Variants in IFI44 observed in about 807,000 individuals in gnomAD.
The protein encoded by IFI44 is interferon-induced protein 44.
A neutral mutation model predicts 45.0 loss-of-function variants in IFI44; 42 were observed. The observed-to-expected ratio is 0.93, with a 90% CI of 0.73 to 1.21. The LOEUF is 1.21. Ranked by LOEUF, IFI44 falls within the 50% of genes most tolerant of loss-of-function variation. The pLI is 0.00. For missense variants in IFI44, 623 were observed against 525.8 expected (o/e 1.18, Z -1.81); for synonymous variants, 221 against 188.6 (o/e 1.17, Z -1.41).
intron 6 of IFI44, 72 bp from the exon 7 acceptor site, chr1:78,660,482 A>G (rs965279142): frequency 2.7e-6 from 3 of 1,124,600 alleles, no homozygotes; most frequent in African/African-American, 1.6e-5. Flanking sequence ...TGCCTATTAC[A>G]TAATTGATAG....
chr1:78,663,991 T>C lies in IFI44; in HGVS notation c.*180T>C. On this transcript the variant is annotated 3_prime_UTR_variant, in exon 9 of 9. Coordinates refer to ENST00000370747, the MANE Select transcript of IFI44 (RefSeq NM_006417.5). Reference sequence around the variant, plus strand: ...AATAACTAGAAATAACATGATTTAGTCATAATTGTGAAAAATAATAATAAT... The same window carrying C: ...AATAACTAGAAATAACATGATTTAGCCATAATTGTGAAAAATAATAATAAT... 2.3e-6 allele frequency: 1 copy of C among 426,544 alleles called. No individual in the cohort carries two copies. The highest frequency in any genetic ancestry group is 3.6e-5 in the East Asian group (1 of 27,928). The allele number at this position is 426,544 out of a possible 1,614,324, so 26.4% of individuals were successfully genotyped here.
chr1:78,650,666 G>C lies in IFI44; in HGVS notation c.457+14G>C. The stretch of plus-strand genomic sequence containing the variant: ...TTCGATGCGAAGGTAGGTTTAATTA[G>C]ATAATCCTGTAGAGAGTTCTCCCTT... On this transcript the variant is annotated intron_variant, in intron 2 of 8. Transcript: ENST00000370747. 2 of 1,509,678 alleles carry C rather than the reference G, an allele frequency of 1.3e-6. No individual in the cohort carries two copies. Among genetic ancestry groups the C allele is most frequent in the Non-Finnish European group, 1.8e-6 (2 of 1,111,400 alleles). 93.5% of individuals were successfully genotyped at this position (1,509,678 alleles called of 1,614,324 possible).
chr1:78,661,345 G>A (rs1380067909), intron 7 of IFI44, among the ~76,000 whole-genome samples: 1 of 152,106 alleles, frequency 6.6e-6, no homozygotes. Context: ...ATTAAGGCAT[G>A]AGTCCCTATA....
At chr1:78,660,689 G>C in intron 7 of IFI44, 35 bp downstream of exon 7, 1 of 1,349,834 alleles carries the variant, frequency 7.4e-7, no homozygotes, top group Non-Finnish European at 1.1e-6. Context: ...CACATTTTCT[G>C]GGGTATGTTA....
In IFI44 at chr1:78,650,619, T is replaced by G. The variant is rs201035851; in HGVS notation, c.424T>G (p.Ser142Ala). 441 of 1,603,588 alleles carry G rather than the reference T, an allele frequency of 2.8e-4. No homozygotes were observed. The highest frequency in any genetic ancestry group is 3.5e-4 in the Non-Finnish European group (417 of 1,176,062). Reference sequence around the variant, plus strand: ...TGGACTTGCTCAAAATTGTACTATCTCTATTCAGGATTATGAAGTTTTTCG... The same window carrying G: ...TGGACTTGCTCAAAATTGTACTATCGCTATTCAGGATTATGAAGTTTTTCG... ...NLGLAQNCTI[S>A]IQDYEVFRCE... Residue 142 changes from serine (S) to alanine (A), a missense_variant, in exon 2 of 9, where the codon TCT becomes GCT. Coordinates refer to ENST00000370747, the MANE Select transcript of IFI44 (RefSeq NM_006417.5).
intron 2 of IFI44, among the ~76,000 whole-genome samples, chr1:78,652,766 G>C (rs1383199865): frequency 1.3e-5 from 2 of 152,130 alleles, no homozygotes; most frequent in Non-Finnish European, 2.9e-5. Context: ...AAATAATACT[G>C]CTATAAATAT....
intron 2 of IFI44, among the ~76,000 whole-genome samples, chr1:78,653,654 C>T (rs1233937421): frequency 6.6e-6 from 1 of 152,074 alleles, no homozygotes; most frequent in East Asian, 1.9e-4. Flanking sequence ...CACTGCTTAC[C>T]CCTGAACAAT....
At chr1:78,660,362 C>G (rs894897018) in intron 6 of IFI44, among the ~76,000 whole-genome samples, 192 bp from the exon 7 acceptor site, 2 of 152,082 alleles carry the variant, frequency 1.3e-5, no homozygotes, top group Non-Finnish European at 2.9e-5. Context: ...GGTGACTCCC[C>G]ATGTCAGAGA....
intron 8 of IFI44, chr1:78,663,108 G>C: frequency 1.0e-6 from 1 of 985,148 alleles, no homozygotes. Flanking sequence ...TTTGTCTTGA[G>C]ATGAAAGTTT....
intron 5 of IFI44, among the ~76,000 whole-genome samples, chr1:78,656,309 A>T (rs572159503): frequency 6.6e-6 from 1 of 152,222 alleles, no homozygotes; most frequent in African/African-American, 2.4e-5. Flanking sequence ...CCATCTAAGT[A>T]TATATTTTTT....
intron 4 of IFI44, 58 bp from the exon 5 acceptor site, chr1:78,655,304 T>G: frequency 1.3e-6 from 2 of 1,559,074 alleles, no homozygotes; most frequent in Non-Finnish European, 1.7e-6. Flanking sequence ...ACATATAGAC[T>G]TCATCTCAAT....
In IFI44 at chr1:78,654,276, T is replaced by C; in HGVS notation, c.491T>C (p.Ile164Thr). ...SLDERKIKGV[I>T]ELRKSLLSAL... The stretch of plus-strand genomic sequence containing the variant: ...GATGAAAGAAAGATAAAAGGGGTCA[T>C]TGAGTAAGTCAATGTTTTTAAGATT... The change falls in exon 3 of 9, where the codon ATT becomes ACT. Residue 164 changes from isoleucine (I) to threonine (T), a missense_variant. By Grantham distance (89) the Ile-to-Thr change is moderately conservative. Coordinates refer to ENST00000370747, the MANE Select transcript of IFI44 (RefSeq NM_006417.5). The C allele has an allele frequency of 4.8e-6, 7 of 1,465,730 alleles. No homozygotes were observed. Among genetic ancestry groups the C allele is most frequent in the Non-Finnish European group, 5.7e-6 (6 of 1,046,488 alleles). 90.8% of individuals were successfully genotyped at this position (1,465,730 alleles called of 1,614,324 possible). A position where few individuals can be genotyped will look rare whatever the true frequency, so the allele number is the denominator to read the frequency against.
intron 5 of IFI44, among the ~76,000 whole-genome samples, chr1:78,658,856 T>A (rs1211453920): frequency 6.6e-6 from 1 of 152,158 alleles, no homozygotes; most frequent in East Asian, 1.9e-4. Context: ...ATATATCATT[T>A]TGCATTTTTG....
chr1:78,650,054 C>A (rs1647095610), intron 1 of IFI44, 132 bp from the exon 2 acceptor site: 1 of 485,752 alleles, frequency 2.1e-6, no homozygotes, highest in Non-Finnish European at 3.4e-6. Flanking sequence ...GATTTTTTTG[C>A]TTTCTGTTCA....
Position 78,655,183 on chromosome 1 carries a change from A to G in IFI44, c.664A>G (p.Thr222Ala), listed in dbSNP as rs1341662550. ...TGTAACGCATCAGGCTTTGGTGGGC[A>G]CTAATACAACTGGGATATCTGAGAA... ...GHVTHQALVG[T>A]NTTGISEKYR... The change falls in exon 4 of 9, where the codon ACT becomes GCT. Residue 222 changes from threonine (T) to alanine (A), a missense_variant. Thr to Ala is a moderately conservative substitution (Grantham distance 58). Transcript: ENST00000370747. 10 of 1,613,734 alleles carry G rather than the reference A, an allele frequency of 6.2e-6. No individual in the cohort carries two copies. The South Asian group carries it at 9.9e-5, about 16-fold the overall frequency.
rs767629908 is a variant in IFI44, at chr1:78,655,106, G to C, written c.587G>C (p.Gly196Ala). ...QIRILLLGPI[G>A]AGKSSFFNSV... ...CGAATTCTGCTGCTGGGTCCAATTG[G>C]AGCTGGGAAGTCCAGCTTTTTCAAC... Residue 196 changes from glycine (G) to alanine (A), a missense_variant, in exon 4 of 9, where the codon GGA becomes GCA. Physicochemically the swap from Gly to Ala is moderately conservative, Grantham distance 60. Transcript: ENST00000370747. 2 of 1,613,906 alleles carry C rather than the reference G, an allele frequency of 1.2e-6. No homozygotes were observed. Among genetic ancestry groups the C allele is most frequent in the Non-Finnish European group, 8.5e-7 (1 of 1,179,880 alleles).
At chr1:78,658,466 TA>T (rs1447459394) in intron 5 of IFI44, among the ~76,000 whole-genome samples, 1 of 152,192 alleles carries the variant, frequency 6.6e-6, no homozygotes, top group Non-Finnish European at 1.5e-5. Context: ...TCAATCAGAA[TA>T]GTTTATTCTT....
intron 7 of IFI44, chr1:78,662,467 A>T: frequency 2.2e-6 from 1 of 456,530 alleles, no homozygotes; most frequent in East Asian, 3.9e-5. Context: ...TGTCATAAAA[A>T]TTTTGTTTCT....
At chr1:78,657,422 A>G (rs1285646327) in intron 5 of IFI44, among the ~76,000 whole-genome samples, 2 of 152,084 alleles carry the variant, frequency 1.3e-5, no homozygotes, top group Non-Finnish European at 2.9e-5. Context: ...TGTCCTGATT[A>G]TTGAGAGTTG....
Sources: allele counts gnomAD v4.1 joint callset (sites outside exome capture counted in the v4.1 genomes callset), GRCh38; gene constraint gnomAD v4.1.1; transcripts MANE v1.5; gene names NCBI Gene and HGNC (gene_info 2026-07-23, HGNC 2026-07-21).